The following AKAP9 variants were observed in gnomAD, a reference collection of about 807,000 sequenced individuals.
AKAP9 encodes the protein A-kinase anchor protein 9.
AKAP9 carries 311 observed loss-of-function variants against 488.5 expected under a neutral mutation model. The ratio of observed to expected loss-of-function variants is 0.64; its 90% CI spans 0.58 to 0.70. The LOEUF is 0.70. Ranked by LOEUF, AKAP9 falls within the 30% of genes least tolerant of loss-of-function variation. AKAP9 has a pLI of 0.00. For missense variants in AKAP9, 4,215 were observed against 4,374.5 expected (o/e 0.96, Z 1.03); for synonymous variants, 1,462 against 1,483.5 (o/e 0.99, Z 0.33).
intron 16 of AKAP9, among the ~76,000 whole-genome samples, chr7:92,032,083 CT>C (rs1333081444): frequency 1.3e-5 from 2 of 152,202 alleles, no homozygotes; most frequent in Non-Finnish European, 2.9e-5. Flanking sequence ...TCTCTGTATG[CT>C]TATCCACTGT....
intron 1 of AKAP9, among the ~76,000 whole-genome samples, chr7:91,946,446 C>G (rs1791463343): frequency 6.7e-6 from 1 of 149,908 alleles, no homozygotes; most frequent in Admixed American, 6.7e-5. Context: ...GCTGGAGTGG[C>G]AGCCTGCCTT....
At chr7:92,075,097 AAAAT>A (rs1812358427) in intron 28 of AKAP9, among the ~76,000 whole-genome samples, 1 of 152,146 alleles carries the variant, frequency 6.6e-6, no homozygotes, top group Non-Finnish European at 1.5e-5. Context: ...AATTAAAAAA[AAAAT>A]AAAACACAAG....
At chr7:92,015,589 C>T (rs369880638) in intron 10 of AKAP9, among the ~76,000 whole-genome samples, 1 of 152,014 alleles carries the variant, frequency 6.6e-6, no homozygotes, top group Non-Finnish European at 1.5e-5. Context: ...GTCTTGAACT[C>T]CTGACCTCAG....
rs1198914515 is a variant in AKAP9, at chr7:92,064,999, A to G, written c.5978-232A>G. Among the ~76,000 whole-genome samples, 41 of 151,834 alleles carry G rather than the reference A, an allele frequency of 2.7e-4. 1 individual carries two copies. The highest frequency in any genetic ancestry group is 2.7e-3 in the Admixed American group (41 of 15,232). On this transcript the variant is annotated intron_variant, in intron 24 of 49. Coordinates refer to ENST00000356239, the MANE Select transcript of AKAP9 (RefSeq NM_005751.5). ...AAAATATTATTTTCAGTGACAGGAC[A>G]TATTTTTTGTTAATAATTCTGTATA...
At chr7:91,941,774 C>A (rs1790787302) in intron 1 of AKAP9, among the ~76,000 whole-genome samples, 1 of 152,096 alleles carries the variant, frequency 6.6e-6, no homozygotes, top group South Asian at 2.1e-4. Context: ...AATGTTAATG[C>A]AGTCTGTGAA....
At chr7:91,976,719 A>G (rs1192121886) in intron 2 of AKAP9, among the ~76,000 whole-genome samples, 1 of 150,644 alleles carries the variant, frequency 6.6e-6, no homozygotes, top group East Asian at 1.9e-4. Flanking sequence ...GATAATTGCA[A>G]TTCATCTATC....
intron 12 of AKAP9, 86 bp from the exon 13 acceptor site, chr7:92,022,152 C>A: frequency 9.3e-7 from 1 of 1,075,788 alleles, no homozygotes; most frequent in Non-Finnish European, 1.4e-6. Context: ...AAAAAAGCAT[C>A]TTAAATGCAG....
chr7:92,085,824 C>G (rs1814458783), intron 36 of AKAP9, 138 bp downstream of exon 36: 1 of 703,062 alleles, frequency 1.4e-6, no homozygotes, highest in Non-Finnish European at 2.1e-6. Context: ...TGAAACTCAG[C>G]CAGAAGCAGT....
chr7:92,039,105 C>T (rs1162066111), intron 17 of AKAP9, among the ~76,000 whole-genome samples: 1 of 152,126 alleles, frequency 6.6e-6, no homozygotes, highest in Non-Finnish European at 1.5e-5. Context: ...AGGATTTTAC[C>T]ATGTTGGACA....
chr7:91,944,975 C>T (rs1267490705), intron 1 of AKAP9, among the ~76,000 whole-genome samples: 1 of 152,172 alleles, frequency 6.6e-6, no homozygotes, highest in Admixed American at 6.5e-5. Flanking sequence ...CCTCATCTGC[C>T]TCTTTTCCTA....
At position 92,040,649 on chromosome 7, in the gene AKAP9, T is replaced by G. The variant is rs199710749; in HGVS notation, c.4693-25T>G. ...CAAAATGTGTTATGGTTGAATTGTT[T>G]TTTTTTTTTTTTTTACTATTAAAGA... On this transcript the variant is annotated intron_variant, in intron 17 of 49. Coordinates refer to ENST00000356239, the MANE Select transcript of AKAP9 (RefSeq NM_005751.5). 1,603 of 1,251,736 alleles carry G rather than the reference T, an allele frequency of 1.3e-3. No individual in the cohort carries two copies. Among genetic ancestry groups the G allele is most frequent in the Non-Finnish European group, 1.6e-3 (1,426 of 913,066 alleles). 77.5% of individuals were successfully genotyped at this position (1,251,736 alleles called of 1,614,324 possible).
chr7:92,077,873 A>G lies in AKAP9; in HGVS notation c.6943A>G (p.Lys2315Glu). 1 of 1,608,418 alleles carries G rather than the reference A, an allele frequency of 6.2e-7. No homozygotes were observed. The highest frequency in any genetic ancestry group is 8.5e-7 in the Non-Finnish European group (1 of 1,175,922). Residue 2315 changes from lysine (K) to glutamate (E), a missense_variant and splice_region_variant, in exon 30 of 50, where the codon AAG (lysine) becomes GAG (glutamate). Transcript: ENST00000356239. ...QQQLKITTDN[K>E]VIEEKNELIR... ...GCAACTTAAAATTACAACAGATAAC[A>G]AGGTATACTCATTTAAAATTGATTA...
intron 4 of AKAP9, 136 bp downstream of exon 4, chr7:91,992,347 A>G (rs1797854284): frequency 1.3e-6 from 1 of 763,386 alleles, no homozygotes; most frequent in African/African-American, 1.7e-5. Flanking sequence ...TACTAAAACA[A>G]AGTTATCTAC....
At chr7:92,069,950 A>G (rs1811410953) in intron 26 of AKAP9, 80 bp from the exon 27 acceptor site, 1 of 1,308,182 alleles carries the variant, frequency 7.6e-7, no homozygotes. Flanking sequence ...TAGATATCCA[A>G]AATGAGGGAT....
In AKAP9 at chr7:92,002,899, T is replaced by C. The variant is rs1157448332; in HGVS notation, c.2982T>C (p.Cys994=). The C allele has an allele frequency of 4.3e-6, 7 of 1,612,172 alleles. No homozygotes were observed. Among genetic ancestry groups the C allele is most frequent in the African/African-American group, 2.7e-5 (2 of 74,722 alleles). Residue 994 remains cysteine (C), a synonymous_variant, in exon 8 of 50, where the codon TGT becomes TGC. Transcript: ENST00000356239. ...AGAAAGAACAAGTTTCATTGAGATGTAGAGAGCTAGAAATCATTATTAACC... is the reference window on the plus strand; with the variant it reads ...AGAAAGAACAAGTTTCATTGAGATGCAGAGAGCTAGAAATCATTATTAACC... ...KQEKEQVSLR[C]RELEIIINHN...
chr7:91,944,306 A>G (rs1791154129), intron 1 of AKAP9, among the ~76,000 whole-genome samples: 1 of 152,176 alleles, frequency 6.6e-6, no homozygotes, highest in Non-Finnish European at 1.5e-5. Flanking sequence ...GGTGGCTTAT[A>G]GGCAATTTTA....
At chr7:92,107,458 A>G in intron 48 of AKAP9, 36 bp downstream of exon 48, 1 of 1,597,070 alleles carries the variant, frequency 6.3e-7, no homozygotes, top group South Asian at 1.1e-5. Context: ...GAATTGTTAA[A>G]TGTATTAATA....
At position 91,995,685 on chromosome 7, in the gene AKAP9, C is replaced by A; in HGVS notation, c.815C>A (p.Thr272Asn). Reference sequence around the variant, plus strand: ...CTACAAGCCAAACAACAGATCCTCACTCATCAACAGCAGCTTGAAGAACAA... The same window carrying A: ...CTACAAGCCAAACAACAGATCCTCAATCATCAACAGCAGCTTGAAGAACAA... ...DLLQAKQQIL[T>N]HQQQLEEQDH... Residue 272 changes from threonine to asparagine, a missense_variant, in exon 7 of 50, where the codon ACT becomes AAT. By Grantham distance (65) the Thr-to-Asn change is moderately conservative (BLOSUM62 0). Transcript: ENST00000356239. 6.2e-7 allele frequency: 1 copy of A among 1,614,080 alleles called. No individual in the cohort carries two copies. Among genetic ancestry groups the A allele is most frequent in the Non-Finnish European group, 8.5e-7 (1 of 1,179,972 alleles).
intron 7 of AKAP9, among the ~76,000 whole-genome samples, chr7:91,998,092 G>A (rs1798623418): frequency 6.6e-6 from 1 of 152,146 alleles, no homozygotes; most frequent in Admixed American, 6.5e-5. Context: ...ATTCACATAA[G>A]GAGCTTGCAG....
Sources: allele counts gnomAD v4.1 joint callset (sites outside exome capture counted in the v4.1 genomes callset), GRCh38; gene constraint gnomAD v4.1.1; transcripts MANE v1.5; gene names NCBI Gene and HGNC (gene_info 2026-07-23, HGNC 2026-07-21).